The following CFAP299 variants were observed in gnomAD, a reference collection of about 807,000 sequenced individuals.
The protein encoded by CFAP299 is cilia- and flagella-associated protein 299.
Under a neutral mutation model 27.0 loss-of-function variants are expected in CFAP299, and 21 were observed. The observed-to-expected ratio is 0.78, with a 90% confidence interval of 0.55 to 1.12. The LOEUF is 1.12. Among genes scored for constraint, CFAP299 ranks in the 50% most tolerant of loss-of-function variants. The probability of loss-of-function intolerance (pLI) is 0.00; values close to 1 mark genes in which losing one functional copy is unlikely to be tolerated. For missense variants in CFAP299, 310 were observed against 276.6 expected, an observed-to-expected ratio of 1.12 and a Z score of -0.86; for synonymous variants, 104 against 98.1, an observed-to-expected ratio of 1.06 and a Z score of -0.36.
chr4:80,694,317 C>G, intron 3 of CFAP299, among the ~76,000 whole-genome samples: 1 of 152,164 alleles, frequency 6.6e-6, no homozygotes, highest in East Asian at 1.9e-4. Flanking sequence ...AAAGCAAAAG[C>G]TCAACACCCA....
rs1252733396 is a variant in CFAP299 at position 80,386,075 on chromosome 4, C to G, written c.242+23191C>G. 6.7e-6 allele frequency: 3 copies of G among 444,712 alleles called. No individual in the cohort carries two copies. The South Asian group carries it at 2.1e-4, about 31-fold the overall frequency. 27.5% of individuals were successfully genotyped at this position (444,712 alleles called of 1,614,324 possible). On this transcript the variant is annotated intron_variant, in intron 2 of 5. Transcript: ENST00000358105. The stretch of plus-strand genomic sequence containing the variant: ...TTCAGAAGGATTTCTGCCAATGGCT[C>G]GATGGCTCGCTTCCACTGGGAAGGA...
chr4:80,444,085 G>T (rs1051985273), intron 2 of CFAP299, among the ~76,000 whole-genome samples: 3 of 152,148 alleles, frequency 2.0e-5, no homozygotes, highest in African/African-American at 4.8e-5. Context: ...AATCAATATT[G>T]TGAAAATGGC....
intron 4 of CFAP299, among the ~76,000 whole-genome samples, chr4:80,906,018 A>G (rs1735165497): frequency 6.6e-6 from 1 of 152,226 alleles, no homozygotes; most frequent in Non-Finnish European, 1.5e-5. Flanking sequence ...GTCCAAGTCC[A>G]AAGTCTCATC....
At chr4:80,337,399 T>A (rs1247368111) in intron 1 of CFAP299, among the ~76,000 whole-genome samples, 1 of 130,170 alleles carries the variant, frequency 7.7e-6, no homozygotes, top group African/African-American at 2.7e-5. Context: ...TCAATCAGAA[T>A]TTTTTTTTTT....
rs192061527 is a variant in CFAP299 at position 80,581,750 on chromosome 4, A to T, written c.243-1343A>T. Reference sequence around the variant, plus strand: ...CATCATCTCTTTCTAAAGGTTTGTGATAGTCCCTTAATTAATCCCTGCAGT... The same window carrying T: ...CATCATCTCTTTCTAAAGGTTTGTGTTAGTCCCTTAATTAATCCCTGCAGT... On this transcript the variant is annotated intron_variant, in intron 2 of 5. Coordinates refer to ENST00000358105, the MANE Select transcript of CFAP299 (RefSeq NM_152770.3). Among the ~76,000 whole-genome samples, 766 of 151,726 alleles carry T rather than the reference A, an allele frequency of 5.0e-3. 5 individuals carry two copies. The highest frequency in any genetic ancestry group is 0.02 in the Middle Eastern group (6 of 294).
At chr4:80,499,011 G>A (rs1272847576) in intron 2 of CFAP299, among the ~76,000 whole-genome samples, 1 of 152,060 alleles carries the variant, frequency 6.6e-6, no homozygotes, top group Admixed American at 6.6e-5. Flanking sequence ...ACAAAACACT[G>A]CATGTTCTCA....
chr4:80,634,869 G>A (rs1401029471), intron 3 of CFAP299, among the ~76,000 whole-genome samples: 7 of 152,144 alleles, frequency 4.6e-5, no homozygotes, highest in Admixed American at 3.3e-4. Context: ...ACCATTTAGT[G>A]AATGCCAACC....
chr4:80,942,136 T>C (rs1737227019), intron 4 of CFAP299, among the ~76,000 whole-genome samples: 1 of 152,178 alleles, frequency 6.6e-6, no homozygotes. Flanking sequence ...TAAATTGCTA[T>C]TACGCGGCTA....
intron 5 of CFAP299, among the ~76,000 whole-genome samples, chr4:80,945,475 A>G (rs966980912): frequency 3.2e-4 from 49 of 152,210 alleles, no homozygotes; most frequent in Admixed American, 3.2e-3. Context: ...AAAGAAAAAT[A>G]TTTACATCTT....
At chr4:80,375,723 G>A (rs1277319243) in intron 2 of CFAP299, among the ~76,000 whole-genome samples, 4 of 152,206 alleles carry the variant, frequency 2.6e-5, no homozygotes, top group African/African-American at 9.7e-5. Context: ...ACTAGTGAAG[G>A]GAATGCAAAG....
intron 2 of CFAP299, among the ~76,000 whole-genome samples, chr4:80,516,952 T>C (rs923050116): frequency 1.3e-5 from 2 of 152,192 alleles, no homozygotes; most frequent in African/African-American, 4.8e-5. Context: ...GGCAGCGATC[T>C]TTTTATTTTT....
At chr4:80,686,063 A>G (rs1720169535) in intron 3 of CFAP299, among the ~76,000 whole-genome samples, 1 of 152,176 alleles carries the variant, frequency 6.6e-6, no homozygotes, top group Non-Finnish European at 1.5e-5. Context: ...TTTAATTGAA[A>G]ATTTACACTG....
rs185339933 is a variant in CFAP299, at chr4:80,765,494, T to G, written c.334-104499T>G. 8.5e-5 allele frequency among the ~76,000 whole-genome samples: 13 copies of G among 152,272 alleles called. No individual in the cohort carries two copies. In the East Asian group the frequency reaches 2.5e-3, roughly 29 times the overall value. On this transcript the variant is annotated intron_variant, in intron 3 of 5. Transcript: ENST00000358105. ...CACACCAAGAAATACTAAAGTATCA[T>G]AGTTTCAAAAACTTAACAAAATTTG... is the stretch of plus-strand genomic sequence containing the variant.
chr4:80,681,285 G>C (rs942678810), intron 3 of CFAP299, among the ~76,000 whole-genome samples: 1 of 152,114 alleles, frequency 6.6e-6, no homozygotes, highest in African/African-American at 2.4e-5. Flanking sequence ...TTCTGCATAT[G>C]CATATGTCTG....
chr4:80,835,907 T>C (rs1266616281), intron 3 of CFAP299, among the ~76,000 whole-genome samples: 1 of 152,212 alleles, frequency 6.6e-6, no homozygotes, highest in Non-Finnish European at 1.5e-5. Context: ...CTTACATTCT[T>C]TTCTGACAAA....
chr4:80,376,228 T>C (rs1724402887), intron 2 of CFAP299, among the ~76,000 whole-genome samples: 1 of 152,210 alleles, frequency 6.6e-6, no homozygotes, highest in Non-Finnish European at 1.5e-5. Flanking sequence ...TTCTATATGG[T>C]TGCATGAATG....
chr4:80,357,687 C>T (rs917330959), intron 1 of CFAP299, among the ~76,000 whole-genome samples: 2 of 151,900 alleles, frequency 1.3e-5, no homozygotes, highest in African/African-American at 4.8e-5. Context: ...GTTTTATCCC[C>T]CTGTTGTTTC....
chr4:80,447,130 G>GTTTTTTTTTTTTTT (rs1553923883), intron 2 of CFAP299, among the ~76,000 whole-genome samples: 9 of 105,320 alleles, frequency 8.5e-5, no homozygotes, highest in African/African-American at 1.8e-4. Flanking sequence ...TTTTTTTTTT[G>GTTTTTTTTTTTTTT]TTTTTTTTTT....
intron 2 of CFAP299, among the ~76,000 whole-genome samples, chr4:80,544,739 G>T (rs1734150573): frequency 6.6e-6 from 1 of 152,160 alleles, no homozygotes. Flanking sequence ...GGACTATGAA[G>T]AAATGTAGGC....
Sources: allele counts gnomAD v4.1 joint callset (sites outside exome capture counted in the v4.1 genomes callset), GRCh38; gene constraint gnomAD v4.1.1; transcripts MANE v1.5; gene names NCBI Gene and HGNC (gene_info 2026-07-23, HGNC 2026-07-21).